The following SPG11 variants were observed in gnomAD, a reference collection of about 807,000 sequenced individuals.
SPG11 encodes SPG11 vesicle trafficking associated, spatacsin.
In SPG11, 222 loss-of-function variants were observed where a neutral mutation model predicts 274.0. The ratio of observed to expected loss-of-function variants is 0.81; its 90% CI spans 0.73 to 0.91. The LOEUF is 0.91. Among genes scored for constraint, SPG11 ranks in the 40% least tolerant of loss-of-function variants. SPG11 has a pLI of 0.00. For missense variants in SPG11, 3,114 were observed against 2,872.7 expected, an observed-to-expected ratio of 1.08 and a Z score of -1.92; for synonymous variants, 1,144 against 1,039.7, an observed-to-expected ratio of 1.10 and a Z score of -1.93.
chr15:44,572,797 T>C lies in SPG11; in HGVS notation c.6229A>G (p.Thr2077Ala), dbSNP rs752485781. The C allele has an allele frequency of 2.5e-6, 4 of 1,614,018 alleles. No homozygotes were observed. Among genetic ancestry groups the C allele is most frequent in the South Asian group, 2.2e-5 (2 of 91,074 alleles). Reference sequence around the variant, plus strand: ...TGAAGAAATGTCTGGCTTTCCTCTGTTGGGTTGAACATCTGCTTATGTCCT... The same window carrying C: ...TGAAGAAATGTCTGGCTTTCCTCTGCTGGGTTGAACATCTGCTTATGTCCT... ...GTGHKQMFNP[T>A]EESQTFLQLT... is the part of the protein sequence containing the mutation. The change falls in exon 33 of 40, where the codon ACA becomes GCA. Residue 2077 changes from threonine to alanine, a missense_variant. Coordinates refer to ENST00000261866, the MANE Select transcript of SPG11 (RefSeq NM_025137.4).
chr15:44,643,675 A>G (rs1341223320), intron 7 of SPG11, among the ~76,000 whole-genome samples: 2 of 152,114 alleles, frequency 1.3e-5, no homozygotes, highest in Non-Finnish European at 2.9e-5. Context: ...CCCCCAAAAA[A>G]GATACATTGA....
intron 31 of SPG11, 61 bp downstream of exon 31, chr15:44,574,841 A>C (rs2082500115): frequency 6.2e-7 from 1 of 1,605,492 alleles, no homozygotes; most frequent in East Asian, 2.2e-5. Context: ...GTCCAAAATC[A>C]ACCTCAAACT....
At chr15:44,620,121 A>G in intron 15 of SPG11, 69 bp downstream of exon 15, 1 of 1,212,492 alleles carries the variant, frequency 8.2e-7, no homozygotes, top group Non-Finnish European at 1.2e-6. Flanking sequence ...AGGAAAAGCT[A>G]TACCATTATT....
At chr15:44,598,927 G>C in intron 21 of SPG11, 91 bp from the exon 22 acceptor site, 1 of 1,286,520 alleles carries the variant, frequency 7.8e-7, no homozygotes, top group African/African-American at 1.5e-5. Flanking sequence ...GACAGAGGGA[G>C]TGCCAGCCAT....
At chr15:44,602,560 G>A (rs1472711538) in intron 20 of SPG11, among the ~76,000 whole-genome samples, 4 of 151,160 alleles carry the variant, frequency 2.6e-5, no homozygotes, top group Non-Finnish European at 5.9e-5. Flanking sequence ...CTCACTGCAA[G>A]TTCCGCCTCC....
intron 2 of SPG11, among the ~76,000 whole-genome samples, 162 bp from the exon 3 acceptor site, chr15:44,659,465 T>C (rs2141127259): frequency 6.6e-6 from 1 of 152,316 alleles, no homozygotes; most frequent in South Asian, 2.1e-4. Context: ...AAGTAGTCAC[T>C]GGGAGGTAGG....
At chr15:44,635,656 C>T (rs2084224209) in intron 7 of SPG11, among the ~76,000 whole-genome samples, 2 of 150,726 alleles carry the variant, frequency 1.3e-5, no homozygotes. Context: ...GTGGCTCACT[C>T]CCATAATCCC....
intron 4 of SPG11, among the ~76,000 whole-genome samples, chr15:44,653,825 T>C (rs1322527968): frequency 6.6e-6 from 1 of 152,162 alleles, no homozygotes; most frequent in African/African-American, 2.4e-5. Flanking sequence ...TACATACAGT[T>C]GACCCTTGAA....
chr15:44,589,753 A>T (rs2082856017), intron 27 of SPG11, among the ~76,000 whole-genome samples: 1 of 152,214 alleles, frequency 6.6e-6, no homozygotes, highest in Non-Finnish European at 1.5e-5. Context: ...TCAAATTAAT[A>T]GCCCTTTGAG....
chr15:44,581,993 T>C (rs866631885), intron 30 of SPG11, among the ~76,000 whole-genome samples: 1 of 152,298 alleles, frequency 6.6e-6, no homozygotes, highest in South Asian at 2.1e-4. Flanking sequence ...AAAGTTTCCC[T>C]TGAAAATCAC....
At chr15:44,639,109 T>A (rs554466132) in intron 7 of SPG11, among the ~76,000 whole-genome samples, 3 of 152,048 alleles carry the variant, frequency 2.0e-5, no homozygotes, top group Non-Finnish European at 2.9e-5. Context: ...TGTGGTTCAT[T>A]ACAGTAACAA....
chr15:44,591,219 A>G (rs894967473), intron 27 of SPG11, among the ~76,000 whole-genome samples: 7 of 152,262 alleles, frequency 4.6e-5, no homozygotes, highest in African/African-American at 1.7e-4. Flanking sequence ...GAGAAAGAAC[A>G]CTGGTAGTCA....
chr15:44,588,855 C>T, intron 28 of SPG11, among the ~76,000 whole-genome samples: 1 of 152,152 alleles, frequency 6.6e-6, no homozygotes, highest in East Asian at 1.9e-4. Context: ...ACTTTGCCAG[C>T]TTATGAAGCA....
chr15:44,587,821 G>A (rs1330046237), intron 28 of SPG11, among the ~76,000 whole-genome samples: 1 of 150,574 alleles, frequency 6.6e-6, no homozygotes, highest in Admixed American at 6.6e-5. Context: ...TTATAGTCAT[G>A]TTTAACAATG....
At chr15:44,663,039 T>A (rs1249234591) in intron 1 of SPG11, among the ~76,000 whole-genome samples, 1 of 152,240 alleles carries the variant, frequency 6.6e-6, no homozygotes, top group African/African-American at 2.4e-5. Flanking sequence ...GAAATGGGCA[T>A]GGGACTCGAC....
intron 28 of SPG11, among the ~76,000 whole-genome samples, chr15:44,586,606 T>C (rs1031929266): frequency 1.1e-4 from 16 of 152,008 alleles, no homozygotes; most frequent in African/African-American, 3.9e-4. Flanking sequence ...ATGGTGCCAT[T>C]GTACTCCAGC....
At position 44,653,882 on chromosome 15, in the gene SPG11, T is replaced by C. The variant is rs78380325; in HGVS notation, c.870-1616A>G. ...GGGTCCACTTATATGATTTTTTTTT[T>C]CCAAAAATACATTGGAAAAATTTGT... On this transcript the variant is annotated intron_variant, in intron 4 of 39. Coordinates refer to ENST00000261866, the MANE Select transcript of SPG11 (RefSeq NM_025137.4). 6.2e-3 allele frequency among the ~76,000 whole-genome samples: 941 copies of C among 152,274 alleles called. 27 individuals carry two copies. In the East Asian group the frequency reaches 0.089, roughly 14 times the overall value.
chr15:44,620,697 G>T, intron 14 of SPG11: 1 of 267,856 alleles, frequency 3.7e-6, no homozygotes, highest in Non-Finnish European at 7.0e-6. Context: ...ATCATGACCA[G>T]GTAAATTTTT....
At chr15:44,570,766 G>T in intron 33 of SPG11, 108 bp from the exon 34 acceptor site, 1 of 1,445,684 alleles carries the variant, frequency 6.9e-7, no homozygotes, top group Non-Finnish European at 9.5e-7. Context: ...GGCCTGTCTG[G>T]AGAGGGCCGT....
Sources: allele counts gnomAD v4.1 joint callset (sites outside exome capture counted in the v4.1 genomes callset), GRCh38; gene constraint gnomAD v4.1.1; transcripts MANE v1.5; gene names NCBI Gene and HGNC (gene_info 2026-07-23, HGNC 2026-07-21).